The following GALNTL6 variants were observed in gnomAD, a reference collection of about 807,000 sequenced individuals.
The protein encoded by GALNTL6 is polypeptide N-acetylgalactosaminyltransferase-like 6.
GALNTL6 carries 46 observed loss-of-function variants against 73.7 expected under a neutral mutation model. The ratio of observed to expected loss-of-function variants is 0.62; its 90% CI spans 0.49 to 0.80. The LOEUF (loss-of-function observed/expected upper bound fraction) is 0.80, where lower values mean the gene tolerates loss of function less well. GALNTL6 is among the 30% of genes least tolerant of loss of function. The probability of loss-of-function intolerance (pLI) is 0.00; values close to 1 mark genes in which losing one functional copy is unlikely to be tolerated. For missense variants in GALNTL6, 604 were observed against 755.0 expected (o/e 0.80, Z 2.34); for synonymous variants, 259 against 263.7 (o/e 0.98, Z 0.17).
intron 5 of GALNTL6, among the ~76,000 whole-genome samples, chr4:172,743,703 T>C (rs1020406631): frequency 6.6e-6 from 1 of 152,078 alleles, no homozygotes; most frequent in Non-Finnish European, 1.5e-5. Flanking sequence ...ACAGAGAACA[T>C]AACTGTGCAG....
chr4:172,873,465 C>A lies in GALNTL6; in HGVS notation c.924-9325C>A, dbSNP rs114337874. 6.6e-3 allele frequency among the ~76,000 whole-genome samples: 1,003 copies of A among 152,258 alleles called. 20 individuals are homozygous for A. The highest frequency in any genetic ancestry group is 0.023 in the African/African-American group (958 of 41,538). On this transcript the variant is annotated intron_variant, in intron 7 of 12. Coordinates refer to ENST00000506823, the MANE Select transcript of GALNTL6 (RefSeq NM_001034845.3). ...CTGTCATCCTCTATGGGTCAGAGCACCCACAATCCCACCTAGATTCAAAAG... is the reference window on the plus strand; with the variant it reads ...CTGTCATCCTCTATGGGTCAGAGCAACCACAATCCCACCTAGATTCAAAAG...
At chr4:172,219,222 T>TAA (rs1554004374) in intron 2 of GALNTL6, among the ~76,000 whole-genome samples, 1 of 141,930 alleles carries the variant, frequency 7.0e-6, no homozygotes, top group African/African-American at 2.5e-5. Context: ...TATATATATA[T>TAA]AATCCTTCTG....
At chr4:172,811,337 G>T (rs531926214) in intron 6 of GALNTL6, among the ~76,000 whole-genome samples, 1 of 152,196 alleles carries the variant, frequency 6.6e-6, no homozygotes, top group African/African-American at 2.4e-5. Flanking sequence ...TGAAGGAAAA[G>T]TTGACAGTTA....
At chr4:172,096,689 C>T (rs1732368209) in intron 2 of GALNTL6, among the ~76,000 whole-genome samples, 1 of 151,698 alleles carries the variant, frequency 6.6e-6, no homozygotes, top group Non-Finnish European at 1.5e-5. Flanking sequence ...TAGACCATTT[C>T]TTTTGTATTC....
intron 10 of GALNTL6, among the ~76,000 whole-genome samples, chr4:172,974,806 G>A (rs1421585247): frequency 6.6e-6 from 1 of 152,232 alleles, no homozygotes. Flanking sequence ...GGCTGCAGCA[G>A]GGCAGGCAGC....
chr4:171,815,832 A>G (rs1734510964), intron 2 of GALNTL6, among the ~76,000 whole-genome samples: 1 of 152,232 alleles, frequency 6.6e-6, no homozygotes, highest in African/African-American at 2.4e-5. Flanking sequence ...GTTGTGCAAT[A>G]TAAAGAGGTA....
At chr4:171,941,767 A>T (rs1032700510) in intron 2 of GALNTL6, among the ~76,000 whole-genome samples, 3 of 152,126 alleles carry the variant, frequency 2.0e-5, no homozygotes, top group Admixed American at 6.5e-5. Context: ...AACTGGCAGA[A>T]TTTTTTTCAG....
chr4:171,928,962 T>A (rs1485854748), intron 2 of GALNTL6, among the ~76,000 whole-genome samples: 2 of 152,326 alleles, frequency 1.3e-5, no homozygotes, highest in African/African-American at 4.8e-5. Flanking sequence ...TATAAGAAAT[T>A]ATACCACAAT....
At chr4:171,903,052 G>A (rs2110945733) in intron 2 of GALNTL6, among the ~76,000 whole-genome samples, 1 of 152,190 alleles carries the variant, frequency 6.6e-6, no homozygotes. Flanking sequence ...AACATCAAAT[G>A]GAAGCTCATA....
chr4:171,886,444 T>C (rs148292361), intron 2 of GALNTL6, among the ~76,000 whole-genome samples: 1 of 151,856 alleles, frequency 6.6e-6, no homozygotes, highest in African/African-American at 2.4e-5. Context: ...ACACCTGTAT[T>C]GATTATATAA....
intron 5 of GALNTL6, among the ~76,000 whole-genome samples, chr4:172,784,371 G>A (rs1579477636): frequency 6.6e-6 from 1 of 152,102 alleles, no homozygotes; most frequent in East Asian, 1.9e-4. Flanking sequence ...CGCAGAAGCA[G>A]TATTAAAACT....
chr4:172,629,549 C>G (rs2111091188), intron 5 of GALNTL6, among the ~76,000 whole-genome samples: 1 of 152,212 alleles, frequency 6.6e-6, no homozygotes, highest in South Asian at 2.1e-4. Flanking sequence ...ATTAAAATTT[C>G]TAATTACATT....
At chr4:172,687,358 G>A (rs1419472642) in intron 5 of GALNTL6, among the ~76,000 whole-genome samples, 1 of 152,036 alleles carries the variant, frequency 6.6e-6, no homozygotes. Context: ...GGCCCGGCAC[G>A]GTGGCTCATA....
chr4:173,039,821 C>T, intron 12 of GALNTL6, 112 bp from the exon 13 acceptor site: 1 of 816,910 alleles, frequency 1.2e-6, no homozygotes, highest in Non-Finnish European at 1.9e-6. Context: ...TCTATTTACA[C>T]AATAAATATA....
intron 7 of GALNTL6, among the ~76,000 whole-genome samples, chr4:172,842,725 G>A (rs1213490989): frequency 6.6e-6 from 1 of 151,560 alleles, no homozygotes; most frequent in Non-Finnish European, 1.5e-5. Flanking sequence ...GGGGAAGGAG[G>A]GAGAGTAAGA....
At chr4:172,219,243 A>C (rs1469326913) in intron 2 of GALNTL6, among the ~76,000 whole-genome samples, 1 of 138,286 alleles carries the variant, frequency 7.2e-6, no homozygotes, top group African/African-American at 2.7e-5. Context: ...TTCTTAAAAA[A>C]TATAGGCAAA....
At position 172,057,106 on chromosome 4, in the gene GALNTL6, T is replaced by C. The variant is rs1012306792; in HGVS notation, c.139-172550T>C. ...TGCCTAATGTATGTTACTTATTAAC[T>C]TTAAACATTAATTGTTTTTGGCTGG... On this transcript the variant is annotated intron_variant, in intron 2 of 12. Transcript: ENST00000506823. Among the ~76,000 whole-genome samples the C allele has an allele frequency of 7.9e-5, 12 of 152,282 alleles. No homozygotes were observed. The East Asian group carries it at 2.3e-3, about 29-fold the overall frequency.
chr4:171,993,219 G>T (rs541426917), intron 2 of GALNTL6, among the ~76,000 whole-genome samples: 224 of 152,074 alleles, frequency 1.5e-3, no homozygotes, highest in Non-Finnish European at 2.7e-3. Flanking sequence ...GAGAAAAATA[G>T]TTCATATGTT....
intron 3 of GALNTL6, among the ~76,000 whole-genome samples, chr4:172,271,585 TAG>T (rs1738655028): frequency 6.6e-6 from 1 of 152,192 alleles, no homozygotes; most frequent in Non-Finnish European, 1.5e-5. Flanking sequence ...TGTGCATTTA[TAG>T]GTTTATATAT....
Sources: allele counts gnomAD v4.1 joint callset (sites outside exome capture counted in the v4.1 genomes callset), GRCh38; gene constraint gnomAD v4.1.1; transcripts MANE v1.5; gene names NCBI Gene and HGNC (gene_info 2026-07-23, HGNC 2026-07-21).